UPF2: variants seen among roughly 807,000 people sequenced by gnomAD.
UPF2 encodes the protein regulator of nonsense transcripts 2.
A neutral mutation model predicts 141.4 loss-of-function variants in UPF2; 17 were observed. The observed-to-expected ratio is 0.12, with a 90% CI of 0.08 to 0.18. The LOEUF is 0.18. UPF2 is among the 10% of genes least tolerant of loss of function. UPF2 has a pLI of 1.00. For synonymous variants in UPF2, 540 were observed against 498.0 expected, an observed-to-expected ratio of 1.08 and a Z score of -1.12; for missense variants, 1,152 against 1,515.9, an observed-to-expected ratio of 0.76 and a Z score of 3.99.
chr10:12,009,802 T>G (rs1834097832), intron 4 of UPF2, among the ~76,000 whole-genome samples: 1 of 152,118 alleles, frequency 6.6e-6, no homozygotes, highest in Non-Finnish European at 1.5e-5. Context: ...AAAGATAAAC[T>G]TCAAAACATT....
intron 2 of UPF2, among the ~76,000 whole-genome samples, chr10:12,031,687 G>A (rs868644045): frequency 6.6e-6 from 1 of 151,776 alleles, no homozygotes; most frequent in Non-Finnish European, 1.5e-5. Flanking sequence ...GAGACGGGGG[G>A]ATCGCTTGAG....
At chr10:11,933,816 A>G (rs1016208952) in intron 19 of UPF2, among the ~76,000 whole-genome samples, 2 of 152,208 alleles carry the variant, frequency 1.3e-5, no homozygotes, top group Non-Finnish European at 2.9e-5. Context: ...GGAGGAAGGA[A>G]AAAAACTCAT....
intron 2 of UPF2, among the ~76,000 whole-genome samples, chr10:12,032,816 C>T (rs1335274817): frequency 6.6e-6 from 1 of 151,486 alleles, no homozygotes; most frequent in African/African-American, 2.4e-5. Flanking sequence ...GCTTTGCAGA[C>T]CTAAGGCTTC....
At chr10:11,990,504 C>T (rs1369707065) in intron 8 of UPF2, among the ~76,000 whole-genome samples, 1 of 152,040 alleles carries the variant, frequency 6.6e-6, no homozygotes, top group Non-Finnish European at 1.5e-5. Flanking sequence ...CATGGTGAAA[C>T]CCCATCTCAA....
At chr10:12,031,759 G>C (rs1483135772) in intron 2 of UPF2, among the ~76,000 whole-genome samples, 1 of 152,148 alleles carries the variant, frequency 6.6e-6, no homozygotes, top group African/African-American at 2.4e-5. Context: ...CTGGGTGACA[G>C]AGTGAGCCCT....
chr10:11,973,071 C>A (rs1588545652), intron 9 of UPF2, among the ~76,000 whole-genome samples: 1 of 152,280 alleles, frequency 6.6e-6, no homozygotes, highest in South Asian at 2.1e-4. Context: ...TTAATGATCG[C>A]CATTCTAACT....
At chr10:11,996,532 T>TG (rs1419499798) in intron 8 of UPF2, among the ~76,000 whole-genome samples, 43 of 152,228 alleles carry the variant, frequency 2.8e-4, no homozygotes, top group Admixed American at 3.3e-4. Context: ...TTAGTAGAGA[T>TG]GGGGTTTCAC....
intron 9 of UPF2, among the ~76,000 whole-genome samples, chr10:11,970,022 T>C (rs1459117542): frequency 1.3e-5 from 2 of 152,338 alleles, no homozygotes; most frequent in East Asian, 1.9e-4. Flanking sequence ...AAGCTTAATA[T>C]ACATATTGCA....
At chr10:12,035,731 ATCACTC>A in intron 1 of UPF2, 3 of 223,660 alleles carry the variant, frequency 1.3e-5, no homozygotes. Flanking sequence ...CCACGTACCC[ATCACTC>A]AGATTCAGCC....
At chr10:11,968,004 C>A (rs1041623504) in intron 9 of UPF2, among the ~76,000 whole-genome samples, 70 of 152,224 alleles carry the variant, frequency 4.6e-4, no homozygotes, top group African/African-American at 1.7e-3. Flanking sequence ...GATGGCGAAA[C>A]CCTGTCTCTA....
chr10:12,030,244 A>T (rs948625375), intron 2 of UPF2, among the ~76,000 whole-genome samples: 2 of 152,150 alleles, frequency 1.3e-5, no homozygotes, highest in African/African-American at 4.8e-5. Flanking sequence ...ATACACAAAG[A>T]ATTATTTAAA....
In UPF2 at chr10:12,019,171, T is replaced by C. The variant is rs1564368680; in HGVS notation, c.1146-4987A>G. 6.6e-6 allele frequency among the ~76,000 whole-genome samples: 1 copy of C among 152,212 alleles called. No individual in the cohort carries two copies. The highest frequency in any genetic ancestry group is 2.4e-5 in the African/African-American group (1 of 41,444). On this transcript the variant is annotated intron_variant, in intron 3 of 21. Coordinates refer to ENST00000357604, the MANE Select transcript of UPF2 (RefSeq NM_015542.4). The surrounding 1 kb of genome is among the most constrained non-coding windows in gnomAD (Gnocchi z 4.5). ...ATAAAGTAGAGGTCAGCAAACTTTT[T>C]CTGTAAAGGGCCATACAATACATAT...
chr10:11,923,488 C>G (rs1832671796), intron 21 of UPF2, among the ~76,000 whole-genome samples: 1 of 152,004 alleles, frequency 6.6e-6, no homozygotes, highest in African/African-American at 2.4e-5. Context: ...CAAGACCAGC[C>G]TGGCCAAGAT....
At chr10:11,934,682 T>C (rs987377891) in intron 19 of UPF2, among the ~76,000 whole-genome samples, 1 of 152,168 alleles carries the variant, frequency 6.6e-6, no homozygotes, top group South Asian at 2.1e-4. Context: ...CTCCACCTCC[T>C]GGGTTCAAGT....
chr10:11,941,362 C>A (rs1015737704), intron 18 of UPF2, among the ~76,000 whole-genome samples: 11 of 152,096 alleles, frequency 7.2e-5, no homozygotes, highest in Admixed American at 6.6e-4. Context: ...AGATTTATTT[C>A]ATAAATTAGG....
chr10:12,018,510 G>A (rs971587690), intron 3 of UPF2, among the ~76,000 whole-genome samples: 11 of 152,122 alleles, frequency 7.2e-5, no homozygotes, highest in African/African-American at 1.4e-4. Flanking sequence ...GAATCCGGGA[G>A]GCAAAGGTTG....
intron 19 of UPF2, among the ~76,000 whole-genome samples, chr10:11,932,411 T>G (rs1023170773): frequency 6.6e-6 from 1 of 152,178 alleles, no homozygotes; most frequent in Admixed American, 6.5e-5. Context: ...GTGAGAAATA[T>G]AGGCTTTCTT....
At chr10:12,002,280 A>T (rs918840141) in intron 5 of UPF2, among the ~76,000 whole-genome samples, 2 of 152,214 alleles carry the variant, frequency 1.3e-5, no homozygotes, top group African/African-American at 4.8e-5. Flanking sequence ...TCAAAAAAAT[A>T]TATACATTAT....
chr10:12,039,263 A>T (rs1270434302), intron 1 of UPF2, among the ~76,000 whole-genome samples: 1 of 152,218 alleles, frequency 6.6e-6, no homozygotes, highest in African/African-American at 2.4e-5. Context: ...ATCTGAACCC[A>T]TTCTCTGAAC....
Sources: gnomAD v4.1 joint callset for allele counts (sites outside exome capture counted in the v4.1 genomes callset) on GRCh38, gnomAD v4.1.1 for gene constraint, Gnocchi (gnomAD v3.1) non-coding constraint, MANE v1.5 for transcripts, NCBI Gene and HGNC (gene_info 2026-07-23, HGNC 2026-07-21) for gene names.